The following RIMS1 variants were observed in gnomAD, a reference collection of about 807,000 sequenced individuals.
RIMS1 encodes regulating synaptic membrane exocytosis 1, also known as regulating synaptic membrane exocytosis protein 1.
A neutral mutation model predicts 214.1 loss-of-function variants in RIMS1; 83 were observed. That is an observed-to-expected ratio of 0.39 (90% confidence interval 0.32 to 0.47). The LOEUF is 0.47. Ranked by LOEUF, RIMS1 falls within the 20% of genes least tolerant of loss-of-function variation. RIMS1 has a pLI of 0.99. For missense variants in RIMS1, 2,050 were observed against 2,161.8 expected, an observed-to-expected ratio of 0.95 and a Z score of 1.03; for synonymous variants, 793 against 786.8, an observed-to-expected ratio of 1.01 and a Z score of -0.13.
Position 72,265,387 on chromosome 6 carries a change from G to C in RIMS1, c.3195-3G>C. 1 of 1,475,798 alleles carries C rather than the reference G, an allele frequency of 6.8e-7. No individual in the cohort carries two copies. Among genetic ancestry groups the C allele is most frequent in the Non-Finnish European group, 9.4e-7 (1 of 1,068,772 alleles). The allele number at this position is 1,475,798 out of a possible 1,614,324, so 91.4% of individuals were successfully genotyped here. On this transcript the variant is annotated splice_region_variant and splice_polypyrimidine_tract_variant and intron_variant, in intron 20 of 33. Coordinates refer to ENST00000521978, the MANE Select transcript of RIMS1 (RefSeq NM_014989.7). ...TATTTTTGTGTAATTTTAATTTGTG[G>C]AGCTCAATTCTGCCTGCACATACTA...
At chr6:72,135,987 T>A (rs544854926) in intron 4 of RIMS1, among the ~76,000 whole-genome samples, 1 of 152,050 alleles carries the variant, frequency 6.6e-6, no homozygotes, top group Non-Finnish European at 1.5e-5. Flanking sequence ...TAACAAAGAT[T>A]TGCATACACC....
chr6:71,887,549 G>T (rs1677414728), intron 1 of RIMS1, among the ~76,000 whole-genome samples: 1 of 152,182 alleles, frequency 6.6e-6, no homozygotes, highest in Non-Finnish European at 1.5e-5. Flanking sequence ...AGGTTAGGGG[G>T]CAGGGGATGA....
At chr6:72,101,022 A>AATGC in intron 4 of RIMS1, among the ~76,000 whole-genome samples, 1 of 152,126 alleles carries the variant, frequency 6.6e-6, no homozygotes, top group Non-Finnish European at 1.5e-5. Flanking sequence ...ATATTATTAT[A>AATGC]ATGCCAATTT....
chr6:72,188,040 C>T (rs536261041), intron 6 of RIMS1, among the ~76,000 whole-genome samples: 2 of 152,310 alleles, frequency 1.3e-5, no homozygotes, highest in South Asian at 2.1e-4. Context: ...GGCTGAAAGA[C>T]TAAGCCAGTC....
chr6:72,051,962 T>A (rs1429333850), intron 2 of RIMS1, among the ~76,000 whole-genome samples: 1 of 152,182 alleles, frequency 6.6e-6, no homozygotes, highest in Non-Finnish European at 1.5e-5. Flanking sequence ...TAGTGGTGGA[T>A]TCAAACAAGG....
chr6:71,992,423 T>C (rs562212820), intron 2 of RIMS1, among the ~76,000 whole-genome samples: 93 of 75,028 alleles, frequency 1.2e-3, no homozygotes, highest in African/African-American at 5.5e-3. Flanking sequence ...TCTTTCTTTC[T>C]TTCTTTCTTT....
intron 29 of RIMS1, among the ~76,000 whole-genome samples, chr6:72,357,745 G>A (rs889169489): frequency 6.6e-6 from 1 of 152,062 alleles, no homozygotes; most frequent in African/African-American, 2.4e-5. Context: ...TCAACATTTA[G>A]CACTTCTGTA....
At chr6:72,134,279 T>G (rs1297867123) in intron 4 of RIMS1, among the ~76,000 whole-genome samples, 1 of 151,940 alleles carries the variant, frequency 6.6e-6, no homozygotes, top group African/African-American at 2.4e-5. Context: ...TTTATTATTG[T>G]GAATTTTTAT....
At chr6:72,291,411 T>G (rs946084750) in intron 25 of RIMS1, among the ~76,000 whole-genome samples, 1 of 152,232 alleles carries the variant, frequency 6.6e-6, no homozygotes, top group African/African-American at 2.4e-5. Flanking sequence ...TGTCCAGGAT[T>G]ATTTTAAATA....
rs774534544 is a variant in RIMS1 at position 72,274,438 on chromosome 6, A to T, written c.3482+6A>T. On this transcript the variant is annotated splice_donor_region_variant and intron_variant, in intron 23 of 33. Coordinates refer to ENST00000521978, the MANE Select transcript of RIMS1 (RefSeq NM_014989.7). ...GCGTCTCCGGAGAATGACAGGTACT[A>T]GTCAACTCCTCCTCACAGACAAGTG... 4 of 1,606,682 alleles carry T rather than the reference A, an allele frequency of 2.5e-6. No homozygotes were observed. The highest frequency in any genetic ancestry group is 3.4e-6 in the Non-Finnish European group (4 of 1,173,550).
rs553500964 is a variant in RIMS1, at chr6:72,183,156, G to C, written c.1678+7G>C. The C allele has an allele frequency of 2.6e-5, 42 of 1,587,522 alleles. No individual in the cohort carries two copies. The highest frequency in any genetic ancestry group is 3.5e-5 in the Non-Finnish European group (41 of 1,168,770). On this transcript the variant is annotated splice_region_variant and intron_variant, in intron 6 of 33. Coordinates refer to ENST00000521978, the MANE Select transcript of RIMS1 (RefSeq NM_014989.7). ...GAGAGCGTCAGCGAGAAAGGTAAGG[G>C]GGCGGCGCCGGCCGTGCGGGGACTT...
At chr6:72,274,924 A>G (rs181295460) in intron 23 of RIMS1, among the ~76,000 whole-genome samples, 1 of 151,688 alleles carries the variant, frequency 6.6e-6, no homozygotes, top group African/African-American at 2.4e-5. Context: ...TGGTTTTTAT[A>G]TATTTTATAA....
At chr6:72,001,155 G>A (rs535445192) in intron 2 of RIMS1, among the ~76,000 whole-genome samples, 14 of 152,210 alleles carry the variant, frequency 9.2e-5, no homozygotes, top group Middle Eastern at 3.4e-3. Flanking sequence ...GATCTCCTTA[G>A]CATACTATAT....
At chr6:72,375,489 C>T (rs973297836) in intron 29 of RIMS1, among the ~76,000 whole-genome samples, 1 of 152,056 alleles carries the variant, frequency 6.6e-6, no homozygotes, top group African/African-American at 2.4e-5. Flanking sequence ...AGAAATTACA[C>T]TGATGAACTA....
chr6:72,166,168 G>C (rs953245233), intron 4 of RIMS1, among the ~76,000 whole-genome samples: 2 of 152,046 alleles, frequency 1.3e-5, no homozygotes, highest in African/African-American at 4.8e-5. Flanking sequence ...ACCTTCCTCT[G>C]GGCTTATGTG....
At chr6:71,928,812 C>G (rs1202561521) in intron 1 of RIMS1, among the ~76,000 whole-genome samples, 2 of 152,008 alleles carry the variant, frequency 1.3e-5, no homozygotes, top group African/African-American at 4.8e-5. Flanking sequence ...GTAGAGTCAT[C>G]CAGATGATTT....
chr6:71,973,752 T>C (rs1053350800), intron 2 of RIMS1, among the ~76,000 whole-genome samples: 9 of 152,096 alleles, frequency 5.9e-5, no homozygotes, highest in African/African-American at 1.9e-4. Flanking sequence ...TGATAGATCC[T>C]AGCGAGAAGG....
intron 4 of RIMS1, among the ~76,000 whole-genome samples, chr6:72,177,572 G>A (rs1458664882): frequency 2.0e-5 from 3 of 152,122 alleles, no homozygotes; most frequent in Non-Finnish European, 4.4e-5. Context: ...TACTTTAAAT[G>A]ATGATAATAA....
intron 7 of RIMS1, among the ~76,000 whole-genome samples, chr6:72,235,055 C>A (rs754719773): frequency 6.6e-6 from 1 of 151,782 alleles, no homozygotes; most frequent in Admixed American, 6.6e-5. Flanking sequence ...GCCAGTTGTT[C>A]CTATTCTCTT....
Sources: gnomAD v4.1 joint callset for allele counts (sites outside exome capture counted in the v4.1 genomes callset) on GRCh38, gnomAD v4.1.1 for gene constraint, MANE v1.5 for transcripts, NCBI Gene and HGNC (gene_info 2026-07-23, HGNC 2026-07-21) for gene names.